DOCK7: variants seen among roughly 807,000 people sequenced by gnomAD.
The protein encoded by DOCK7 is dedicator of cytokinesis protein 7.
In DOCK7, 138 loss-of-function variants were observed where a neutral mutation model predicts 271.0. The observed-to-expected ratio is 0.51, with a 90% confidence interval of 0.44 to 0.59. The LOEUF is 0.59. Ranked by LOEUF, DOCK7 falls within the 20% of genes least tolerant of loss-of-function variation. The probability of loss-of-function intolerance (pLI) is 0.00; values close to 1 mark genes in which losing one functional copy is unlikely to be tolerated. For synonymous variants in DOCK7, 823 were observed against 876.1 expected (o/e 0.94, Z 1.07); for missense variants, 2,066 against 2,592.4 (o/e 0.80, Z 4.41).
At chr1:62,514,428 AGGTT>A (rs1463380798) in intron 31 of DOCK7, among the ~76,000 whole-genome samples, 1 of 152,148 alleles carries the variant, frequency 6.6e-6, no homozygotes, top group Non-Finnish European at 1.5e-5. Context: ...ATAGCATATA[AGGTT>A]GAAATGCTAT....
chr1:62,569,505 G>A (rs1646694986), intron 18 of DOCK7, among the ~76,000 whole-genome samples: 1 of 151,946 alleles, frequency 6.6e-6, no homozygotes, highest in Admixed American at 6.6e-5. Context: ...TACCTCAATA[G>A]GCTCAGAAAA....
Position 62,615,743 on chromosome 1 carries a change from C to T in DOCK7, c.1682+2963G>A, listed in dbSNP as rs933022607. ...GAGTCCTTTTTTAAAAGCTTCTTGC[C>T]TACAATATTATTTTTACTAATAATG... On this transcript the variant is annotated intron_variant, in intron 14 of 49. Coordinates refer to ENST00000635253, the MANE Select transcript of DOCK7 (RefSeq NM_001367561.1). Among the ~76,000 whole-genome samples the T allele has an allele frequency of 5.9e-5, 9 of 151,566 alleles. No homozygotes were observed. In the South Asian group the frequency reaches 6.2e-4, roughly 10 times the overall value.
At chr1:62,587,299 TAAAAAAAAAAAA>T in intron 14 of DOCK7, among the ~76,000 whole-genome samples, 1 of 41,818 alleles carries the variant, frequency 2.4e-5, no homozygotes, top group South Asian at 9.3e-4. Context: ...ACCAAATAGC[TAAAAAAAAAAAA>T]AAAAAAAAAA....
intron 43 of DOCK7, chr1:62,484,522 C>T (rs765653893): frequency 1.3e-4 from 20 of 152,146 alleles, no homozygotes; most frequent in Non-Finnish European, 2.1e-4. Flanking sequence ...TAGGGTCTCA[C>T]TCTGTCATCC....
intron 1 of DOCK7, among the ~76,000 whole-genome samples, chr1:62,674,399 C>G (rs1336433672): frequency 6.6e-6 from 1 of 152,156 alleles, no homozygotes. Context: ...TCAGTGCAAT[C>G]TCTATCAAAA....
At chr1:62,672,132 T>C (rs1660087087) in intron 1 of DOCK7, among the ~76,000 whole-genome samples, 1 of 152,158 alleles carries the variant, frequency 6.6e-6, no homozygotes, top group African/African-American at 2.4e-5. Flanking sequence ...ATTCCCTAGA[T>C]GTAACTAGTT....
intron 18 of DOCK7, 86 bp downstream of exon 18, chr1:62,577,176 G>T: frequency 1.4e-6 from 1 of 740,060 alleles, no homozygotes; most frequent in South Asian, 4.3e-5. Context: ...TAGAAGAAAT[G>T]GCAAGAGTTT....
chr1:62,657,020 G>A (rs930713013), intron 2 of DOCK7, among the ~76,000 whole-genome samples: 2 of 152,174 alleles, frequency 1.3e-5, no homozygotes, highest in African/African-American at 4.8e-5. Context: ...GAGCAATAAT[G>A]AATCTCTTAC....
At chr1:62,576,928 TA>T (rs1038915609) in intron 18 of DOCK7, among the ~76,000 whole-genome samples, 6 of 152,138 alleles carry the variant, frequency 3.9e-5, no homozygotes, top group Admixed American at 3.3e-4. Context: ...CTACTAAAAA[TA>T]AAAAAGAAAT....
intron 14 of DOCK7, among the ~76,000 whole-genome samples, chr1:62,586,970 T>C (rs1647623539): frequency 6.6e-6 from 1 of 152,144 alleles, no homozygotes; most frequent in Admixed American, 6.6e-5. Flanking sequence ...TAAATGAATA[T>C]GGACTGACAC....
At chr1:62,620,241 G>A (rs1652990109) in intron 12 of DOCK7, among the ~76,000 whole-genome samples, 1 of 151,648 alleles carries the variant, frequency 6.6e-6, no homozygotes, top group Admixed American at 6.6e-5. Context: ...GAGAATCACG[G>A]GAGATGGAGG....
intron 44 of DOCK7, 82 bp downstream of exon 44, chr1:62,477,618 G>T: frequency 2.1e-6 from 3 of 1,407,880 alleles, no homozygotes; most frequent in South Asian, 3.6e-5. Context: ...CTTACTAAAT[G>T]ATTAGATCTG....
chr1:62,552,681 G>T, intron 22 of DOCK7, 51 bp downstream of exon 22: 1 of 1,506,300 alleles, frequency 6.6e-7, no homozygotes. Context: ...GATATTTCTC[G>T]TTTGTTCACA....
Position 62,651,824 on chromosome 1 carries a change from T to C in DOCK7, c.389+1901A>G, listed in dbSNP as rs554740401. On this transcript the variant is annotated intron_variant, in intron 4 of 49. Transcript: ENST00000635253. The stretch of plus-strand genomic sequence containing the variant: ...GTTGGATAATTCTATTTCAAGTGTA[T>C]TGGTTTGCATCAAATACTTGGCAAT... Among the ~76,000 whole-genome samples, 3 of 152,320 alleles carry C rather than the reference T, an allele frequency of 2.0e-5. No homozygotes were observed. In the South Asian group the frequency reaches 6.2e-4, roughly 32 times the overall value.
chr1:62,675,736 G>A (rs938785723), intron 1 of DOCK7, among the ~76,000 whole-genome samples: 2 of 151,600 alleles, frequency 1.3e-5, no homozygotes, highest in East Asian at 1.9e-4. Flanking sequence ...AATGAGCCGA[G>A]ATCGCGCCAC....
chr1:62,583,285 G>A (rs1647192884), intron 15 of DOCK7, 31 bp from the exon 16 acceptor site: 2 of 1,572,030 alleles, frequency 1.3e-6, no homozygotes, highest in Middle Eastern at 1.9e-4. Context: ...TTGAAACTTT[G>A]TTGTAGTAAA....
At chr1:62,547,726 G>A (rs1571493000) in intron 22 of DOCK7, among the ~76,000 whole-genome samples, 1 of 152,098 alleles carries the variant, frequency 6.6e-6, no homozygotes, top group Non-Finnish European at 1.5e-5. Context: ...GTTAAAAGAC[G>A]ATTACTAGAA....
chr1:62,636,827 A>G (rs552777701), intron 7 of DOCK7, among the ~76,000 whole-genome samples: 1 of 152,340 alleles, frequency 6.6e-6, no homozygotes, highest in South Asian at 2.1e-4. Context: ...TTATCCAGCT[A>G]CAAATAAACT....
intron 1 of DOCK7, among the ~76,000 whole-genome samples, chr1:62,669,953 G>T (rs28399032): frequency 1.3e-5 from 2 of 150,946 alleles, no homozygotes; most frequent in Admixed American, 1.3e-4. Context: ...GTTCCGGGTG[G>T]GCGTGGGCTT....
Sources: allele counts gnomAD v4.1 joint callset (sites outside exome capture counted in the v4.1 genomes callset), GRCh38; gene constraint gnomAD v4.1.1; transcripts MANE v1.5; gene names NCBI Gene and HGNC (gene_info 2026-07-23, HGNC 2026-07-21).